Variants in ADAMTS3 observed in about 807,000 individuals in gnomAD.
ADAMTS3 encodes the protein A disintegrin and metalloproteinase with thrombospondin motifs 3.
A neutral mutation model predicts 129.0 loss-of-function variants in ADAMTS3; 73 were observed. The ratio of observed to expected loss-of-function variants is 0.57; its 90% CI spans 0.47 to 0.69. The LOEUF is 0.69. Among genes scored for constraint, ADAMTS3 ranks in the 30% least tolerant of loss-of-function variants. ADAMTS3 has a pLI of 0.00. For synonymous variants in ADAMTS3, 477 were observed against 510.8 expected (o/e 0.93, Z 0.89); for missense variants, 1,457 against 1,514.5 (o/e 0.96, Z 0.63).
chr4:72,328,957 C>T (rs186286760), intron 5 of ADAMTS3, among the ~76,000 whole-genome samples: 14 of 152,228 alleles, frequency 9.2e-5, no homozygotes, highest in African/African-American at 3.4e-4. Flanking sequence ...CTCAGTATTC[C>T]TTTTCCTCAG....
chr4:72,494,278 CCTT>C (rs1314257072), intron 3 of ADAMTS3, among the ~76,000 whole-genome samples: 7 of 151,900 alleles, frequency 4.6e-5, no homozygotes, highest in African/African-American at 1.7e-4. Context: ...TATTCTTTGT[CCTT>C]CTTTGACTGG....
intron 3 of ADAMTS3, 147 bp downstream of exon 3, chr4:72,548,331 C>A: frequency 2.5e-6 from 2 of 799,634 alleles, no homozygotes; most frequent in Non-Finnish European, 3.7e-6. Flanking sequence ...TCTTTGACAG[C>A]AAAATGCTTT....
chr4:72,504,640 A>C (rs1720111138), intron 3 of ADAMTS3, among the ~76,000 whole-genome samples: 1 of 151,994 alleles, frequency 6.6e-6, no homozygotes, highest in South Asian at 2.1e-4. Flanking sequence ...AATTTTCTTA[A>C]ATTTTTCATT....
At chr4:72,302,003 T>C (rs1718962302) in intron 17 of ADAMTS3, among the ~76,000 whole-genome samples, 1 of 152,020 alleles carries the variant, frequency 6.6e-6, no homozygotes, top group African/African-American at 2.4e-5. Flanking sequence ...CAGGCAGGGC[T>C]GAGCCTGGCA....
intron 3 of ADAMTS3, among the ~76,000 whole-genome samples, chr4:72,541,744 A>C (rs1000885281): frequency 2.0e-5 from 3 of 151,838 alleles, no homozygotes; most frequent in Middle Eastern, 6.8e-3. Context: ...CTTGCCTGCC[A>C]CTATGTAAGA....
rs1298231115 is a variant in ADAMTS3 at position 72,549,968 on chromosome 4, G to A, written c.98-1084C>T. Among the ~76,000 whole-genome samples the A allele has an allele frequency of 8.4e-3, 197 of 23,536 alleles. 11 individuals carry two copies. The highest frequency in any genetic ancestry group is 0.02 in the East Asian group (21 of 1,032). The allele number at this position is 23,536 out of a possible 152,430, so 15.4% of individuals were successfully genotyped here. ...ACAAGGGTAAAAAAAAAAAAAAGAA[G>A]AAGAAGAAGAAGAAGAAGAAGAAGA... On this transcript the variant is annotated intron_variant, in intron 2 of 21. Transcript: ENST00000286657.
chr4:72,518,250 C>T (rs1720551170), intron 3 of ADAMTS3, among the ~76,000 whole-genome samples: 1 of 152,118 alleles, frequency 6.6e-6, no homozygotes, highest in South Asian at 2.1e-4. Flanking sequence ...GAGACCTTTA[C>T]TTCCAAGTAT....
chr4:72,338,167 T>C (rs1428491048), intron 5 of ADAMTS3, among the ~76,000 whole-genome samples: 1 of 152,110 alleles, frequency 6.6e-6, no homozygotes, highest in Non-Finnish European at 1.5e-5. Context: ...TTTTTCTCAA[T>C]ATGCCGATAA....
chr4:72,463,420 A>G (rs1718826140), intron 3 of ADAMTS3, among the ~76,000 whole-genome samples: 1 of 152,128 alleles, frequency 6.6e-6, no homozygotes, highest in Non-Finnish European at 1.5e-5. Flanking sequence ...ATGCCTTGGC[A>G]TTTGTGCAAA....
chr4:72,561,205 C>T (rs1025734520), intron 2 of ADAMTS3, among the ~76,000 whole-genome samples: 1 of 151,950 alleles, frequency 6.6e-6, no homozygotes, highest in Non-Finnish European at 1.5e-5. Context: ...AAAAATTAGC[C>T]GGCGTGGTAG....
intron 4 of ADAMTS3, among the ~76,000 whole-genome samples, chr4:72,375,232 T>C (rs1321348188): frequency 6.6e-6 from 1 of 152,146 alleles, no homozygotes; most frequent in Non-Finnish European, 1.5e-5. Flanking sequence ...TGCTATTTCA[T>C]CCTGGTGAGG....
At chr4:72,311,934 A>G (rs1280624231) in intron 13 of ADAMTS3, among the ~76,000 whole-genome samples, 2 of 152,130 alleles carry the variant, frequency 1.3e-5, no homozygotes, top group Non-Finnish European at 2.9e-5. Flanking sequence ...TTTTCAAAGA[A>G]CTATATTTTT....
intron 3 of ADAMTS3, among the ~76,000 whole-genome samples, chr4:72,458,906 T>G (rs1718693291): frequency 6.6e-6 from 1 of 151,530 alleles, no homozygotes; most frequent in Non-Finnish European, 1.5e-5. Flanking sequence ...ACCACAAAAA[T>G]GACCCGATTT....
In ADAMTS3 at chr4:72,283,541, A is replaced by G. The variant is rs1037507922; in HGVS notation, c.3213T>C (p.Asp1071=). The change falls in exon 22 of 22, where the codon GAT becomes GAC. Residue 1071 remains aspartate (D), a synonymous_variant. Coordinates refer to ENST00000286657, the MANE Select transcript of ADAMTS3 (RefSeq NM_014243.3). ...GGAGGTCACTAGGGTTAGAGATGAC[A>G]TCATCATGAGTTTCAGCAGCTTCTA... is the stretch of plus-strand genomic sequence containing the variant. ...YLLEAAETHD[D]VISNPSDLPR... is the part of the protein sequence containing the mutation. 5.0e-6 allele frequency: 8 copies of G among 1,613,982 alleles called. No individual in the cohort carries two copies. Among genetic ancestry groups the G allele is most frequent in the Admixed American group, 1.7e-5 (1 of 59,990 alleles).
chr4:72,330,713 G>C (rs543964764), intron 5 of ADAMTS3: 1 of 152,270 alleles, frequency 6.6e-6, no homozygotes, highest in South Asian at 2.1e-4. Flanking sequence ...AGATTGTAAG[G>C]GTTGATGGTT....
intron 2 of ADAMTS3, among the ~76,000 whole-genome samples, chr4:72,563,126 T>C (rs547460430): frequency 2.6e-4 from 39 of 152,316 alleles, no homozygotes; most frequent in Non-Finnish European, 4.3e-4. Flanking sequence ...TATAATTATT[T>C]GGTACAATGA....
intron 3 of ADAMTS3, among the ~76,000 whole-genome samples, chr4:72,416,657 T>G (rs139500528): frequency 2.6e-4 from 39 of 152,336 alleles, no homozygotes; most frequent in African/African-American, 9.4e-4. Context: ...TTTCAAAAGT[T>G]ATATAATTAT....
At chr4:72,549,402 C>A (rs1411272886) in intron 2 of ADAMTS3, among the ~76,000 whole-genome samples, 1 of 151,982 alleles carries the variant, frequency 6.6e-6, no homozygotes, top group African/African-American at 2.4e-5. Flanking sequence ...AATTTATACA[C>A]ATTTTTTCCA....
At chr4:72,297,361 G>C (rs534914923) in intron 18 of ADAMTS3, among the ~76,000 whole-genome samples, 3 of 152,128 alleles carry the variant, frequency 2.0e-5, no homozygotes. Flanking sequence ...TGGATAAAGA[G>C]ATGTCATTTA....
Sources: gnomAD v4.1 joint callset for allele counts (sites outside exome capture counted in the v4.1 genomes callset) on GRCh38, gnomAD v4.1.1 for gene constraint, MANE v1.5 for transcripts, NCBI Gene and HGNC (gene_info 2026-07-23, HGNC 2026-07-21) for gene names.